The following FAM200B variants were observed in gnomAD, a reference collection of about 807,000 sequenced individuals.
FAM200B encodes zinc finger BED-type containing 11.
In FAM200B, 32 loss-of-function variants were observed where a neutral mutation model predicts 33.1. The observed-to-expected ratio is 0.97, with a 90% CI of 0.73 to 1.30. FAM200B has a LOEUF of 1.30. Ranked by LOEUF, FAM200B falls within the 50% of genes most tolerant of loss-of-function variation. The probability of loss-of-function intolerance (pLI) is 0.00; values close to 1 mark genes in which losing one functional copy is unlikely to be tolerated. For missense variants in FAM200B, 741 were observed against 754.0 expected, an observed-to-expected ratio of 0.98 and a Z score of 0.20; for synonymous variants, 240 against 264.8, an observed-to-expected ratio of 0.91 and a Z score of 0.91.
At chr4:15,681,029 C>T (rs1718236634), upstream of FAM200B, among the ~76,000 whole-genome samples, 1 of 150,942 alleles carries the variant, frequency 6.6e-6, no homozygotes, top group Non-Finnish European at 1.5e-5. Context: ...CTTATTTGCA[C>T]GAACCTATCT....
chr4:15,642,135 G>C, the FAM200B span, among the ~76,000 whole-genome samples: 1 of 151,850 alleles, frequency 6.6e-6, no homozygotes, highest in South Asian at 2.1e-4. Context: ...TCTAATTCTG[G>C]GCAATTCTAA....
chr4:15,639,268 T>C, the FAM200B span, among the ~76,000 whole-genome samples: 1 of 152,298 alleles, frequency 6.6e-6, no homozygotes, highest in East Asian at 1.9e-4. Flanking sequence ...GGCTTTCCCT[T>C]TATAGAATTT....
At chr4:15,686,186 C>T (rs552135655) in intron 1 of FAM200B, 50 bp from the exon 2 acceptor site, 1 of 152,276 alleles carries the variant, frequency 6.6e-6, no homozygotes, top group African/African-American at 2.4e-5. Flanking sequence ...GGCAGTAATA[C>T]TACTTTGTAC....
chr4:15,687,393 C>T lies in FAM200B; in HGVS notation c.416C>T (p.Ser139Phe). Residue 139 changes from serine to phenylalanine, a missense_variant, in exon 2 of 2, where the codon TCT (serine) becomes TTT (phenylalanine). Ser to Phe is a radical substitution (Grantham distance 155). Coordinates refer to ENST00000422728, the MANE Select transcript of FAM200B (RefSeq NM_001145191.2). The stretch of plus-strand genomic sequence containing the variant: ...TTATCAACACAATTTCTTAGTTGTT[C>T]TACTGCTGTTAGTGAGAAAGCCTTA... The part of the protein sequence containing the change: ...IKLSTQFLSC[S>F]TAVSEKALLS... 6 of 1,545,092 alleles carry T rather than the reference C, an allele frequency of 3.9e-6. No individual in the cohort carries two copies. The highest frequency in any genetic ancestry group is 5.2e-6 in the Non-Finnish European group (6 of 1,143,696).
the FAM200B span, among the ~76,000 whole-genome samples, chr4:15,670,847 C>A: frequency 4.0e-5 from 6 of 150,812 alleles, no homozygotes; most frequent in Admixed American, 2.0e-4. Context: ...ACTGATGAAT[C>A]CTTTCAGTTG....
At chr4:15,678,568 G>C (rs1361889190), upstream of FAM200B, among the ~76,000 whole-genome samples, 1 of 152,024 alleles carries the variant, frequency 6.6e-6, no homozygotes, top group Non-Finnish European at 1.5e-5. Context: ...AATAGTCCTT[G>C]TCTGAAATAT....
At chr4:15,644,969 A>C in the FAM200B span, among the ~76,000 whole-genome samples, 1 of 152,202 alleles carries the variant, frequency 6.6e-6, no homozygotes, top group Non-Finnish European at 1.5e-5. Flanking sequence ...CGGTTTCTTT[A>C]AAGAGAAGAG....
At chr4:15,637,580 G>A in the FAM200B span, among the ~76,000 whole-genome samples, 2 of 152,004 alleles carry the variant, frequency 1.3e-5, no homozygotes, top group Non-Finnish European at 2.9e-5. Flanking sequence ...TTGAAGGAGT[G>A]GGAAAATAAA....
At chr4:15,666,267 T>TCA in the FAM200B span, among the ~76,000 whole-genome samples, 1 of 151,872 alleles carries the variant, frequency 6.6e-6, no homozygotes, top group Non-Finnish European at 1.5e-5. Context: ...GGTATGGTGG[T>TCA]GCATGCCTGT....
the FAM200B span, among the ~76,000 whole-genome samples, chr4:15,639,515 T>C: frequency 2.2e-4 from 34 of 152,386 alleles, no homozygotes; most frequent in Admixed American, 6.5e-4. Context: ...GAATTATCTA[T>C]GGAGATTTCT....
the FAM200B span, among the ~76,000 whole-genome samples, chr4:15,662,365 T>G: frequency 1.3e-5 from 2 of 152,214 alleles, no homozygotes; most frequent in African/African-American, 4.8e-5. Context: ...ATTCTGAGTT[T>G]CTAGGTCCTC....
the FAM200B span, among the ~76,000 whole-genome samples, chr4:15,657,575 G>T: frequency 6.6e-6 from 1 of 152,172 alleles, no homozygotes. Flanking sequence ...CTGAAAAGTA[G>T]TAACAGCCAC....
At chr4:15,651,619 C>G in the FAM200B span, among the ~76,000 whole-genome samples, 1 of 152,142 alleles carries the variant, frequency 6.6e-6, no homozygotes, top group Admixed American at 6.5e-5. Flanking sequence ...TAAAGCTATA[C>G]TCACTCATTT....
At chr4:15,655,446 G>A in the FAM200B span, 175 of 971,006 alleles carry the variant, frequency 1.8e-4, no homozygotes, top group Non-Finnish European at 2.1e-4. Flanking sequence ...GGGCGCGCAG[G>A]CCGCCGCCAT....
Position 15,688,232 on chromosome 4 carries a change from A to G in FAM200B, c.1255A>G (p.Ile419Val), listed in dbSNP as rs1361978599. The G allele has an allele frequency of 6.4e-7, 1 of 1,550,484 alleles. No homozygotes were observed. Among genetic ancestry groups the G allele is most frequent in the Admixed American group, 2.0e-5 (1 of 50,956 alleles). ...TGAAAAAAAATCTCATTTGGCAAGT[A>G]TTTTTGAAGATGATACTTGGGTAAC... is the stretch of plus-strand genomic sequence containing the variant. Reference protein sequence around the residue: ...LIEKKSHLASIFEDDTWVTKL... With the variant: ...LIEKKSHLASVFEDDTWVTKL... The change falls in exon 2 of 2, where the codon ATT (isoleucine) becomes GTT (valine). Residue 419 changes from isoleucine to valine, a missense_variant. Physicochemically the swap from Ile to Val is conservative, Grantham distance 29. Transcript: ENST00000422728.
chr4:15,645,033 A>C, the FAM200B span, among the ~76,000 whole-genome samples: 26 of 152,308 alleles, frequency 1.7e-4, no homozygotes, highest in Non-Finnish European at 3.5e-4. Flanking sequence ...ATGTATGCTA[A>C]ATACAGGCAG....
chr4:15,641,663 C>T, the FAM200B span: 19 of 447,806 alleles, frequency 4.2e-5, no homozygotes, highest in South Asian at 3.0e-4. Context: ...AAAAGTTATA[C>T]GTGGATTTTC....
Position 15,688,072 on chromosome 4 carries a change from T to G in FAM200B, c.1095T>G (p.Leu365=). ...FIKGSSLNSR[L]LETFCSEIGT... ...AAGGAAGCTCATTGAATAGCCGGCT[T>G]CTTGAAACATTTTGTTCAGAGATTG... Residue 365 remains leucine (L), a synonymous_variant, in exon 2 of 2, where the codon CTT becomes CTG. Coordinates refer to ENST00000422728, the MANE Select transcript of FAM200B (RefSeq NM_001145191.2). 5 of 1,551,242 alleles carry G rather than the reference T, an allele frequency of 3.2e-6. No individual in the cohort carries two copies. Among genetic ancestry groups the G allele is most frequent in the Non-Finnish European group, 4.4e-6 (5 of 1,146,770 alleles).
chr4:15,675,056 C>G, the FAM200B span, among the ~76,000 whole-genome samples: 3 of 152,136 alleles, frequency 2.0e-5, no homozygotes, highest in Admixed American at 6.5e-5. Flanking sequence ...AGTGGGCCTG[C>G]CACTACAAAA....
Sources: gnomAD v4.1 joint callset for allele counts (sites outside exome capture counted in the v4.1 genomes callset) on GRCh38, gnomAD v4.1.1 for gene constraint, MANE v1.5 for transcripts, NCBI Gene and HGNC (gene_info 2026-07-23, HGNC 2026-07-21) for gene names.